Variants in GAPVD1 observed in about 807,000 individuals in gnomAD.
GAPVD1 encodes the protein GTPase activating protein and VPS9 domains 1, also known as GTPase-activating protein and VPS9 domain-containing protein 1.
GAPVD1 carries 35 observed loss-of-function variants against 155.5 expected under a neutral mutation model. The ratio of observed to expected loss-of-function variants is 0.23; its 90% CI spans 0.17 to 0.30. GAPVD1 has a LOEUF of 0.30. GAPVD1 is among the 10% of genes least tolerant of loss of function. GAPVD1 has a pLI of 1.00. For missense variants in GAPVD1, 1,429 were observed against 1,775.7 expected (o/e 0.80, Z 3.51); for synonymous variants, 636 against 619.7 (o/e 1.03, Z -0.39).
At chr9:125,344,519 T>C (rs1183420108) in intron 19 of GAPVD1, among the ~76,000 whole-genome samples, 2 of 152,176 alleles carry the variant, frequency 1.3e-5, no homozygotes, top group Non-Finnish European at 2.9e-5. Context: ...GTTTAATTAT[T>C]CTCTGGGGGT....
rs199781542 is a variant in GAPVD1, at chr9:125,337,344, A to G, written c.2630A>G (p.His877Arg). The change falls in exon 17 of 28, where the codon CAT becomes CGT. Residue 877 changes from histidine to arginine, a missense_variant. Around this residue, in one of 4 missense-constraint regions of GAPVD1, gnomAD observed 699 missense variants for 826.0 expected, o/e 0.85. Transcript: ENST00000297933. ...GCCAGGTTGCCAAACTTTGGTTCCC[A>G]TGTTTTAACTCCAGCTGAAATGGAG... ...NEARLPNFGSHVLTPAEMEAF... is the reference protein window; with the variant it reads ...NEARLPNFGSRVLTPAEMEAF... 1.9e-6 allele frequency: 3 copies of G among 1,614,192 alleles called. No homozygotes were observed. The highest frequency in any genetic ancestry group is 1.3e-5 in the African/African-American group (1 of 75,054).
At chr9:125,274,851 A>G (rs1835507065) in intron 2 of GAPVD1, among the ~76,000 whole-genome samples, 1 of 152,148 alleles carries the variant, frequency 6.6e-6, no homozygotes, top group Middle Eastern at 3.2e-3. Flanking sequence ...CAGATGAAGA[A>G]ACTGAGTCAT....
In GAPVD1 at chr9:125,323,933, A is replaced by G. The variant is rs41305469; in HGVS notation, c.1858+10A>G. The G allele has an allele frequency of 5.5e-3, 8,911 of 1,609,820 alleles. 35 individuals carry two copies. Among genetic ancestry groups the G allele is most frequent in the Non-Finnish European group, 6.2e-3 (7,306 of 1,178,030 alleles). ...TTAGAACATGAGCAAGGTAAAGTGA[A>G]GTTGAACACAGTTGCCTAAGTAGCA... On this transcript the variant is annotated intron_variant, in intron 11 of 27. Transcript: ENST00000297933.
Position 125,327,950 on chromosome 9 carries a change from A to G in GAPVD1, c.2032+1361A>G, listed in dbSNP as rs549621744. Among the ~76,000 whole-genome samples the G allele has an allele frequency of 2.0e-5, 3 of 152,102 alleles. No individual in the cohort carries two copies. The South Asian group carries it at 6.2e-4, about 32-fold the overall frequency. ...CACTACCCTCTTCTCTCCCCTCATTATGTTTAGGCAAGTTCCAGACATTAT... is the reference window on the plus strand; with the variant it reads ...CACTACCCTCTTCTCTCCCCTCATTGTGTTTAGGCAAGTTCCAGACATTAT... On this transcript the variant is annotated intron_variant, in intron 12 of 27. Transcript: ENST00000297933.
chr9:125,310,766 G>T (rs1463764510), intron 8 of GAPVD1, among the ~76,000 whole-genome samples: 1 of 151,344 alleles, frequency 6.6e-6, no homozygotes, highest in African/African-American at 2.4e-5. Flanking sequence ...TTGAACTCCC[G>T]GCCTCAGGAG....
intron 2 of GAPVD1, among the ~76,000 whole-genome samples, chr9:125,282,414 A>G (rs1836938198): frequency 6.6e-6 from 1 of 151,314 alleles, no homozygotes. Context: ...TGGGATTACA[A>G]GCATGAGCCA....
intron 23 of GAPVD1, among the ~76,000 whole-genome samples, 186 bp from the exon 24 acceptor site, chr9:125,354,466 TCA>T (rs1849769441): frequency 6.6e-6 from 1 of 152,188 alleles, no homozygotes; most frequent in African/African-American, 2.4e-5. Flanking sequence ...GGCACCATGA[TCA>T]GTCTCTACCA....
chr9:125,268,164 CA>C (rs201446880), intron 1 of GAPVD1, among the ~76,000 whole-genome samples: 4 of 137,828 alleles, frequency 2.9e-5, no homozygotes, highest in Admixed American at 7.5e-5. Flanking sequence ...AACTCTGTCT[CA>C]AAAAAAAACA....
At chr9:125,326,260 G>A (rs1845167171) in intron 11 of GAPVD1, among the ~76,000 whole-genome samples, 156 bp from the exon 12 acceptor site, 1 of 152,250 alleles carries the variant, frequency 6.6e-6, no homozygotes, top group Non-Finnish European at 1.5e-5. Context: ...GCTCACGCCT[G>A]TAATCCCAGC....
At position 125,323,257 on chromosome 9, in the gene GAPVD1, C is replaced by A. The variant is rs188831009; in HGVS notation, c.1733-541C>A. Among the ~76,000 whole-genome samples, 431 of 151,190 alleles carry A rather than the reference C, an allele frequency of 2.9e-3. 2 individuals are homozygous for A. The highest frequency in any genetic ancestry group is 5.1e-3 in the Non-Finnish European group (347 of 67,842). On this transcript the variant is annotated intron_variant, in intron 10 of 27. Coordinates refer to ENST00000297933, the MANE Select transcript of GAPVD1 (RefSeq NM_001282680.3). ...AAGTAGCTGAGATTACAGGCATGTG[C>A]CATCAGGCCGGCTAATTTTTATATT...
At chr9:125,354,629 T>G (rs771851307) in intron 23 of GAPVD1, 25 bp from the exon 24 acceptor site, 8 of 1,514,052 alleles carry the variant, frequency 5.3e-6, no homozygotes, top group Non-Finnish European at 6.4e-6. Context: ...ATATCTGATG[T>G]CATGCAAAGT....
At position 125,353,966 on chromosome 9, in the gene GAPVD1, A is replaced by T. The variant is rs114221873; in HGVS notation, c.3570-688A>T. On this transcript the variant is annotated intron_variant, in intron 23 of 27. Coordinates refer to ENST00000297933, the MANE Select transcript of GAPVD1 (RefSeq NM_001282680.3). ...ATTTACTTCAGCTTTGCACAAAAGC[A>T]GGTAAAGAGGTATGCCTATATTTTG... is the stretch of plus-strand genomic sequence containing the variant. Among the ~76,000 whole-genome samples, 1,451 of 152,334 alleles carry T rather than the reference A, an allele frequency of 9.5e-3. 27 individuals are homozygous for T. Among genetic ancestry groups the T allele is most frequent in the African/African-American group, 0.033 (1,376 of 41,578 alleles).
chr9:125,312,218 A>C (rs1008564546), intron 8 of GAPVD1, among the ~76,000 whole-genome samples: 2 of 152,178 alleles, frequency 1.3e-5, no homozygotes, highest in East Asian at 3.8e-4. Flanking sequence ...TGTCAGATGC[A>C]CTTGGATCAT....
Position 125,330,222 on chromosome 9 carries a change from A to G in GAPVD1, c.2173+4A>G. 6.3e-7 allele frequency: 1 copy of G among 1,580,312 alleles called. No individual in the cohort carries two copies. Among genetic ancestry groups the G allele is most frequent in the Non-Finnish European group, 8.6e-7 (1 of 1,163,490 alleles). On this transcript the variant is annotated splice_donor_region_variant and intron_variant, in intron 13 of 27. Coordinates refer to ENST00000297933, the MANE Select transcript of GAPVD1 (RefSeq NM_001282680.3). Reference sequence around the variant, plus strand: ...GAGGTATTGCCAAGTGACTCAGGTTAGTATGCTGTCATTGTTTGCTTTTTC... The same window carrying G: ...GAGGTATTGCCAAGTGACTCAGGTTGGTATGCTGTCATTGTTTGCTTTTTC...
In GAPVD1 at chr9:125,328,514, G is replaced by A. The variant is rs969132955; in HGVS notation, c.2033-1564G>A. 1.9e-3 allele frequency among the ~76,000 whole-genome samples: 269 copies of A among 139,524 alleles called. 1 individual carries two copies. The highest frequency in any genetic ancestry group is 7.3e-3 in the African/African-American group (260 of 35,680). 91.5% of individuals were successfully genotyped at this position (139,524 alleles called of 152,430 possible). ...ACATGTTTCAGAGAGCACAGGGTTG[G>A]GGGTAAGGTCACAGATCAACAGGAT... On this transcript the variant is annotated intron_variant, in intron 12 of 27. Transcript: ENST00000297933.
chr9:125,306,838 A>G (rs376510269), intron 6 of GAPVD1, among the ~76,000 whole-genome samples: 3 of 152,242 alleles, frequency 2.0e-5, no homozygotes, highest in East Asian at 3.9e-4. Flanking sequence ...TAATTTTTTT[A>G]GGTTGGGTGC....
chr9:125,315,558 A>G (rs886940066), intron 9 of GAPVD1, among the ~76,000 whole-genome samples: 6 of 152,080 alleles, frequency 3.9e-5, no homozygotes, highest in Non-Finnish European at 5.9e-5. Flanking sequence ...GTCCTGAAAG[A>G]TCGTCTCAAA....
chr9:125,308,034 C>A, intron 8 of GAPVD1, 154 bp downstream of exon 8: 1 of 638,466 alleles, frequency 1.6e-6, no homozygotes, highest in South Asian at 1.9e-5. Flanking sequence ...GAAATCGTAT[C>A]AGATTAGTTA....
chr9:125,335,463 G>A (rs574113719), intron 15 of GAPVD1, among the ~76,000 whole-genome samples: 50 of 151,842 alleles, frequency 3.3e-4, no homozygotes, highest in Non-Finnish European at 1.9e-4. Flanking sequence ...GGATTACGAG[G>A]TCAGGAGATC....
Sources: gnomAD v4.1 joint callset for allele counts (sites outside exome capture counted in the v4.1 genomes callset) on GRCh38, gnomAD v4.1.1 for gene constraint, gnomAD v4.1.1 regional missense constraint, MANE v1.5 for transcripts, NCBI Gene and HGNC (gene_info 2026-07-23, HGNC 2026-07-21) for gene names.